Variants in WRNIP1 observed in about 807,000 individuals in gnomAD.
WRNIP1 encodes the protein WRN helicase interacting protein 1.
A neutral mutation model predicts 56.1 loss-of-function variants in WRNIP1; 41 were observed. The ratio of observed to expected loss-of-function variants is 0.73; its 90% CI spans 0.57 to 0.95. WRNIP1 has a LOEUF of 0.95. Among genes scored for constraint, WRNIP1 ranks in the 40% least tolerant of loss-of-function variants. The pLI is 0.00. For synonymous variants in WRNIP1, 547 were observed against 398.1 expected (o/e 1.37, Z -4.45); for missense variants, 1,170 against 939.4 (o/e 1.25, Z -3.21).
At chr6:2,769,160 TTTTAATC>T (rs552556990) in intron 2 of WRNIP1, among the ~76,000 whole-genome samples, 45 of 152,374 alleles carry the variant, frequency 3.0e-4, no homozygotes, top group Non-Finnish European at 4.9e-4. Flanking sequence ...TTTTAGGAAT[TTTTAATC>T]TAAATACTAG....
chr6:2,772,014 C>T (rs1765298978), intron 3 of WRNIP1, among the ~76,000 whole-genome samples: 1 of 152,152 alleles, frequency 6.6e-6, no homozygotes, highest in Admixed American at 6.5e-5. Context: ...ATATTGATGA[C>T]ATGAAGTCAA....
In WRNIP1 at chr6:2,778,712, C is replaced by G. The variant is rs566462492; in HGVS notation, c.1257-551C>G. Among the ~76,000 whole-genome samples, 15 of 152,294 alleles carry G rather than the reference C, an allele frequency of 9.8e-5. No individual in the cohort carries two copies. In the South Asian group the frequency reaches 3.1e-3, roughly 32 times the overall value. Reference sequence around the variant, plus strand: ...TCCTGAGACCTGCTTCTAGGACCTGCTGTGCTCAGAGTAACTAGGGACCCA... The same window carrying G: ...TCCTGAGACCTGCTTCTAGGACCTGGTGTGCTCAGAGTAACTAGGGACCCA... On this transcript the variant is annotated intron_variant, in intron 3 of 6. Coordinates refer to ENST00000380773, the MANE Select transcript of WRNIP1 (RefSeq NM_020135.3).
At position 2,768,780 on chromosome 6, in the gene WRNIP1, T is replaced by A; in HGVS notation, c.912T>A (p.Asp304Glu). ...CTGCAACAAATGCCAAGACAAATGA[T>A]GTGCGAGATGTCATAAAACAAGCTC... ...TLSATNAKTN[D>E]VRDVIKQAQN... Residue 304 changes from aspartate (D) to glutamate (E), a missense_variant, in exon 2 of 7, where the codon GAT becomes GAA. By Grantham distance (45) the Asp-to-Glu change is conservative (BLOSUM62 2). Transcript: ENST00000380773. 2 of 1,614,020 alleles carry A rather than the reference T, an allele frequency of 1.2e-6. No individual in the cohort carries two copies. Among genetic ancestry groups the A allele is most frequent in the Non-Finnish European group, 1.7e-6 (2 of 1,179,942 alleles).
intron 3 of WRNIP1, chr6:2,773,924 G>A (rs1479695044): frequency 2.0e-6 from 2 of 985,232 alleles, no homozygotes; most frequent in African/African-American, 3.5e-5. Context: ...GGTAAGGGCT[G>A]TGGCGTAACT....
intron 4 of WRNIP1, among the ~76,000 whole-genome samples, chr6:2,782,260 A>G (rs1765578906): frequency 6.6e-6 from 1 of 152,186 alleles, no homozygotes; most frequent in Non-Finnish European, 1.5e-5. Flanking sequence ...TAGCACTCTG[A>G]CTTCACCAGG....
Position 2,766,065 on chromosome 6 carries a change from C to T in WRNIP1, c.443C>T (p.Ala148Val), listed in dbSNP as rs747712776. ...GSGKRPAAAA[A>V]AGSASPRSWD... is the part of the protein sequence containing the mutation. ...GGGAAGAGGCCGGCGGCCGCCGCCG[C>T]GGCGGGGAGCGCGTCTCCGCGCAGC... The change falls in exon 1 of 7, where the codon GCG (alanine) becomes GTG (valine). Residue 148 changes from alanine to valine, a missense_variant. By Grantham distance (64) the Ala-to-Val change is moderately conservative (BLOSUM62 0). Coordinates refer to ENST00000380773, the MANE Select transcript of WRNIP1 (RefSeq NM_020135.3). The T allele has an allele frequency of 1.0e-4, 133 of 1,293,498 alleles. No individual in the cohort carries two copies. In the African/African-American group the frequency reaches 1.8e-3, roughly 18 times the overall value. 80.1% of individuals were successfully genotyped at this position (1,293,498 alleles called of 1,614,324 possible). A position where few individuals can be genotyped will look rare whatever the true frequency, so the allele number is the denominator to read the frequency against.
At chr6:2,773,677 T>A (rs1431568974) in intron 3 of WRNIP1, 2 of 985,248 alleles carry the variant, frequency 2.0e-6, no homozygotes, top group African/African-American at 3.5e-5. Flanking sequence ...AATGAAAAAG[T>A]AAGCTAGCAT....
chr6:2,781,426 G>A (rs1022108807), intron 4 of WRNIP1, among the ~76,000 whole-genome samples: 1 of 152,254 alleles, frequency 6.6e-6, no homozygotes, highest in African/African-American at 2.4e-5. Context: ...TCAGATCTTG[G>A]AGAAAGCTGC....
At chr6:2,768,614 G>A (rs1001050179) in intron 1 of WRNIP1, 77 bp from the exon 2 acceptor site, 6 of 1,280,204 alleles carry the variant, frequency 4.7e-6, no homozygotes, top group African/African-American at 3.0e-5. Context: ...GTGATGCTGC[G>A]TGTGGTGGTT....
intron 3 of WRNIP1, chr6:2,773,746 A>G (rs1765366140): frequency 5.1e-6 from 5 of 983,930 alleles, no homozygotes; most frequent in South Asian, 4.7e-5. Flanking sequence ...GTCATAGAAT[A>G]TATACATAGT....
rs1251753348 is a variant in WRNIP1 at position 2,765,503 on chromosome 6, T to G, written c.-120T>G. On this transcript the variant is annotated 5_prime_UTR_variant, in exon 1 of 7. Coordinates refer to ENST00000380773, the MANE Select transcript of WRNIP1 (RefSeq NM_020135.3). ...GGCGCCCTCCTCCGGCCCGCGAGCG[T>G]CCTGCTGGTTCCCCGAGCGAGGGTC... 4 of 1,242,712 alleles carry G rather than the reference T, an allele frequency of 3.2e-6. No individual in the cohort carries two copies. The highest frequency in any genetic ancestry group is 4.1e-6 in the Non-Finnish European group (4 of 983,236). The allele number at this position is 1,242,712 out of a possible 1,614,324, so 77.0% of individuals were successfully genotyped here. A position where few individuals can be genotyped will look rare whatever the true frequency, so the allele number is the denominator to read the frequency against.
Position 2,768,895 on chromosome 6 carries a change from C to A in WRNIP1, c.1014+13C>A, listed in dbSNP as rs189511243. ...TAAATCTCAGCAGGTATATTAACTT[C>A]CTTCTACCTTTTGGTCGTTGTGAAC... On this transcript the variant is annotated intron_variant, in intron 2 of 6. Transcript: ENST00000380773. 6.3e-7 allele frequency: 1 copy of A among 1,596,102 alleles called. No individual in the cohort carries two copies. The highest frequency in any genetic ancestry group is 1.1e-5 in the South Asian group (1 of 89,090).
At chr6:2,777,791 G>A (rs1035727771) in intron 3 of WRNIP1, among the ~76,000 whole-genome samples, 2 of 152,196 alleles carry the variant, frequency 1.3e-5, no homozygotes, top group Non-Finnish European at 2.9e-5. Context: ...TGGCCTCGGT[G>A]TTTGTTTTTT....
chr6:2,785,489 G>C lies in WRNIP1; in HGVS notation c.*207G>C. The C allele has an allele frequency of 1.7e-6, 1 of 580,046 alleles. No homozygotes were observed. Among genetic ancestry groups the C allele is most frequent in the South Asian group, 2.3e-5 (1 of 42,650 alleles). 35.9% of individuals were successfully genotyped at this position (580,046 alleles called of 1,614,324 possible). A position where few individuals can be genotyped will look rare whatever the true frequency, so the allele number is the denominator to read the frequency against. ...TGTGTTCATTTGCACTCGGTGCAGC[G>C]GTTATGCTTATGAAAATACCTGGCA... On this transcript the variant is annotated 3_prime_UTR_variant, in exon 7 of 7. Coordinates refer to ENST00000380773, the MANE Select transcript of WRNIP1 (RefSeq NM_020135.3).
chr6:2,770,403 CAG>C (rs765761849), intron 3 of WRNIP1, 42 bp downstream of exon 3: 11 of 1,606,404 alleles, frequency 6.8e-6, no homozygotes, highest in Admixed American at 6.7e-5. Context: ...ACACACCTCC[CAG>C]AGAGTCTCCT....
chr6:2,776,510 A>G (rs1237328298), intron 3 of WRNIP1, among the ~76,000 whole-genome samples: 1 of 152,248 alleles, frequency 6.6e-6, no homozygotes. Flanking sequence ...TCCATTCCCC[A>G]TGACTCCAAA....
intron 1 of WRNIP1, among the ~76,000 whole-genome samples, chr6:2,766,912 C>T (rs1311185864): frequency 6.6e-6 from 1 of 152,174 alleles, no homozygotes; most frequent in East Asian, 1.9e-4. Flanking sequence ...TCCTTTTCCA[C>T]TAGTTGTTGG....
chr6:2,769,501 A>G (rs1041014142), intron 2 of WRNIP1, among the ~76,000 whole-genome samples: 1 of 152,144 alleles, frequency 6.6e-6, no homozygotes, highest in Non-Finnish European at 1.5e-5. Flanking sequence ...ATAACTTTAA[A>G]AAATTTTTTT....
intron 3 of WRNIP1, among the ~76,000 whole-genome samples, chr6:2,770,849 A>C (rs1026200672): frequency 6.6e-6 from 1 of 152,182 alleles, no homozygotes; most frequent in Non-Finnish European, 1.5e-5. Flanking sequence ...TGTAACCTTA[A>C]AATTATGTAA....
Sources: gnomAD v4.1 joint callset for allele counts (sites outside exome capture counted in the v4.1 genomes callset) on GRCh38, gnomAD v4.1.1 for gene constraint, MANE v1.5 for transcripts, NCBI Gene and HGNC (gene_info 2026-07-23, HGNC 2026-07-21) for gene names.